UGP2: variants seen among roughly 807,000 people sequenced by gnomAD.
UGP2 encodes the protein UTP--glucose-1-phosphate uridylyltransferase.
UGP2 carries 40 observed loss-of-function variants against 49.0 expected under a neutral mutation model. That is an observed-to-expected ratio of 0.82 (90% CI 0.63 to 1.06). The LOEUF (loss-of-function observed/expected upper bound fraction) is 1.06. UGP2 is among the 50% of genes least tolerant of loss of function. The pLI is 0.00. For synonymous variants in UGP2, 225 were observed against 213.0 expected, an observed-to-expected ratio of 1.06 and a Z score of -0.49; for missense variants, 460 against 603.5, an observed-to-expected ratio of 0.76 and a Z score of 2.49.
intron 2 of UGP2, 34 bp from the exon 3 acceptor site, chr2:63,857,795 C>T: frequency 6.4e-7 from 1 of 1,561,460 alleles, no homozygotes; most frequent in African/African-American, 1.4e-5. Flanking sequence ...ATTAAGCATT[C>T]TGCTGGTTGT....
intron 1 of UGP2, 152 bp downstream of exon 1, chr2:63,842,356 GAGC>G: frequency 6.2e-7 from 1 of 1,602,682 alleles, no homozygotes; most frequent in Non-Finnish European, 8.5e-7. Flanking sequence ...GAGCTGCCTT[GAGC>G]TGCTGGGTTG....
intron 1 of UGP2, among the ~76,000 whole-genome samples, chr2:63,849,378 A>G (rs138762612): frequency 6.6e-6 from 1 of 152,334 alleles, no homozygotes; most frequent in Non-Finnish European, 1.5e-5. Context: ...CATTTGTGTT[A>G]TATGCCTGCC....
rs1264048203 is a variant in UGP2, at chr2:63,885,767, A to G, written c.754A>G (p.Ile252Val). The change falls in exon 6 of 10, where the codon ATA (isoleucine) becomes GTA (valine). Residue 252 changes from isoleucine (I) to valine (V), a missense_variant. Physicochemically the swap from Ile to Val is conservative, Grantham distance 29. Transcript: ENST00000337130. The stretch of plus-strand genomic sequence containing the variant: ...CAAAGAGTATATTTTTGTGTCTAAC[A>G]TAGATAATCTGGGTGCCACAGTGGA... ...EGKEYIFVSN[I>V]DNLGATVDLY... is the part of the protein sequence containing the mutation. 2 of 1,614,010 alleles carry G rather than the reference A, an allele frequency of 1.2e-6. No homozygotes were observed. The highest frequency in any genetic ancestry group is 8.5e-7 in the Non-Finnish European group (1 of 1,179,966).
intron 3 of UGP2, among the ~76,000 whole-genome samples, chr2:63,880,640 AATG>A: frequency 6.6e-6 from 1 of 152,170 alleles, no homozygotes; most frequent in East Asian, 1.9e-4. Context: ...ATGCTGAACA[AATG>A]ATGGTCATGG....
intron 8 of UGP2, chr2:63,889,816 TTA>T: frequency 7.6e-6 from 2 of 261,800 alleles, no homozygotes; most frequent in East Asian, 7.8e-5. Flanking sequence ...TTGATTATCT[TTA>T]AAAAAAAAAA....
chr2:63,867,420 T>C (rs545345495), intron 3 of UGP2, among the ~76,000 whole-genome samples: 27 of 152,328 alleles, frequency 1.8e-4, no homozygotes, highest in Admixed American at 1.1e-3. Flanking sequence ...GAACCTACTT[T>C]ATAGGATTTT....
chr2:63,855,694 A>G (rs1041947045), intron 1 of UGP2: 1 of 436,524 alleles, frequency 2.3e-6, no homozygotes, highest in Non-Finnish European at 4.6e-6. Context: ...GACAAGCGCC[A>G]CCACACCTGG....
At chr2:63,862,173 T>A (rs542139346) in intron 3 of UGP2, among the ~76,000 whole-genome samples, 1 of 152,240 alleles carries the variant, frequency 6.6e-6, no homozygotes, top group African/African-American at 2.4e-5. Context: ...AGACTTGTTT[T>A]GTGTGTATGT....
chr2:63,886,302 G>C, intron 6 of UGP2, 39 bp from the exon 7 acceptor site: 1 of 1,593,408 alleles, frequency 6.3e-7, no homozygotes, highest in Non-Finnish European at 8.6e-7. Context: ...ATGCACTTGA[G>C]ACTGATGTGG....
rs1558969099 is a variant in UGP2 at position 63,891,503 on chromosome 2, G to A, written c.*276G>A. The A allele has an allele frequency of 4.0e-6, 1 of 248,174 alleles. No individual in the cohort carries two copies. The highest frequency in any genetic ancestry group is 2.2e-5 in the African/African-American group (1 of 44,498). 15.4% of individuals were successfully genotyped at this position (248,174 alleles called of 1,614,324 possible). ...AACTTTGGAAGAACTTTTAACAGAAGCCTCAATGATGATCACTTTGAATTG... is the reference window on the plus strand; with the variant it reads ...AACTTTGGAAGAACTTTTAACAGAAACCTCAATGATGATCACTTTGAATTG... On this transcript the variant is annotated 3_prime_UTR_variant, in exon 10 of 10. Transcript: ENST00000337130.
chr2:63,874,188 ATGT>A (rs1670753733), intron 3 of UGP2, among the ~76,000 whole-genome samples: 1 of 152,152 alleles, frequency 6.6e-6, no homozygotes, highest in African/African-American at 2.4e-5. Flanking sequence ...GAAAAAAATG[ATGT>A]TGGGGTAGGC....
intron 1 of UGP2, among the ~76,000 whole-genome samples, chr2:63,844,979 T>C (rs1416633247): frequency 6.6e-6 from 1 of 152,214 alleles, no homozygotes. Context: ...TCAGTTCCCA[T>C]TGGGCAAAGA....
At chr2:63,863,641 A>G (rs1451456111) in intron 3 of UGP2, among the ~76,000 whole-genome samples, 1 of 152,070 alleles carries the variant, frequency 6.6e-6, no homozygotes, top group African/African-American at 2.4e-5. Flanking sequence ...TTGATTTACA[A>G]AAAAGTTGCA....
intron 3 of UGP2, among the ~76,000 whole-genome samples, chr2:63,867,634 T>G (rs892469622): frequency 6.6e-6 from 1 of 152,234 alleles, no homozygotes; most frequent in African/African-American, 2.4e-5. Flanking sequence ...TCTGTGACTT[T>G]CATATTTATT....
At chr2:63,885,542 A>T (rs758136906) in intron 5 of UGP2, 47 bp from the exon 6 acceptor site, 3 of 1,399,030 alleles carry the variant, frequency 2.1e-6, no homozygotes, top group Non-Finnish European at 2.8e-6. Context: ...AAGGCCTGAA[A>T]TGCTCTACAG....
At chr2:63,884,185 G>A in intron 5 of UGP2, 92 bp downstream of exon 5, 1 of 1,454,530 alleles carries the variant, frequency 6.9e-7, no homozygotes, top group Non-Finnish European at 9.3e-7. Flanking sequence ...AAGATGTACA[G>A]GTACCAAATA....
intron 1 of UGP2, 147 bp downstream of exon 1, chr2:63,842,351 G>A: frequency 6.2e-7 from 1 of 1,603,192 alleles, no homozygotes; most frequent in Non-Finnish European, 8.5e-7. Context: ...CATCTGAGCT[G>A]CCTTGAGCTG....
intron 1 of UGP2, among the ~76,000 whole-genome samples, chr2:63,842,998 A>G (rs1440743439): frequency 5.9e-5 from 9 of 152,170 alleles, no homozygotes; most frequent in Non-Finnish European, 1.0e-4. Flanking sequence ...TATGCAAGTA[A>G]ACTCTTTCCT....
Position 63,856,346 on chromosome 2 carries a change from C to A in UGP2, c.60C>A (p.Phe20Leu). 6.2e-7 allele frequency: 1 copy of A among 1,613,842 alleles called. No homozygotes were observed. The highest frequency in any genetic ancestry group is 8.5e-7 in the Non-Finnish European group (1 of 1,179,980). ...KAMSQDGASQ[F>L]QEVIRQELEL... ...TGTCTCAAGATGGTGCTTCTCAGTT[C>A]CAAGAAGTCATTCGGCAAGAGCTAG... Residue 20 changes from phenylalanine to leucine, a missense_variant, in exon 2 of 10, where the codon TTC becomes TTA. This residue lies in a region of UGP2 where 143 missense variants were observed against 130.4 expected (regional missense o/e 1.10). Coordinates refer to ENST00000337130, the MANE Select transcript of UGP2 (RefSeq NM_006759.4).
Sources: allele counts gnomAD v4.1 joint callset (sites outside exome capture counted in the v4.1 genomes callset), GRCh38; gene constraint gnomAD v4.1.1; regional missense constraint gnomAD v4.1.1; transcripts MANE v1.5; gene names NCBI Gene and HGNC (gene_info 2026-07-23, HGNC 2026-07-21).